ERICH6: variants seen among roughly 807,000 people sequenced by gnomAD.
ERICH6 encodes the protein glutamate rich 6, also known as glutamate-rich protein 6.
Under a neutral mutation model 71.0 loss-of-function variants are expected in ERICH6, and 71 were observed. That is an observed-to-expected ratio of 1.00 (90% CI 0.83 to 1.22). The LOEUF (loss-of-function observed/expected upper bound fraction) is 1.22. Among genes scored for constraint, ERICH6 ranks in the 50% most tolerant of loss-of-function variants. ERICH6 has a pLI of 0.00. For missense variants in ERICH6, 808 were observed against 797.2 expected, an observed-to-expected ratio of 1.01 and a Z score of -0.16; for synonymous variants, 262 against 278.4, an observed-to-expected ratio of 0.94 and a Z score of 0.59.
chr3:150,682,109 C>G, intron 7 of ERICH6, 109 bp downstream of exon 7: 1 of 949,752 alleles, frequency 1.1e-6, no homozygotes, highest in Non-Finnish European at 1.6e-6. Context: ...GCCATCAAGC[C>G]CGGCCTAACT....
At chr3:150,670,808 A>T (rs143169905) in intron 11 of ERICH6, among the ~76,000 whole-genome samples, 171 of 152,340 alleles carry the variant, frequency 1.1e-3, no homozygotes, top group African/African-American at 3.8e-3. Context: ...ATAATTCACT[A>T]ACTCTTAATA....
chr3:150,701,717 C>T (rs1393934544), intron 2 of ERICH6, among the ~76,000 whole-genome samples: 1 of 152,016 alleles, frequency 6.6e-6, no homozygotes, highest in Non-Finnish European at 1.5e-5. Context: ...TGCCTGAAGG[C>T]TAATAGCAAT....
chr3:150,700,241 A>ATTTTTTTTTTTTTTTTT (rs34624356), intron 2 of ERICH6, among the ~76,000 whole-genome samples: 6 of 110,968 alleles, frequency 5.4e-5, no homozygotes, highest in East Asian at 2.6e-4. Flanking sequence ...TGCCCGGCTA[A>ATTTTTTTTTTTTTTTTT]TTTTTTTTTT....
rs141360279 is a variant in ERICH6 at position 150,698,335 on chromosome 3, A to C, written c.553+456T>G. Among the ~76,000 whole-genome samples, 39 of 152,332 alleles carry C rather than the reference A, an allele frequency of 2.6e-4. No individual in the cohort carries two copies. In the East Asian group the frequency reaches 7.3e-3, roughly 29 times the overall value. On this transcript the variant is annotated intron_variant, in intron 3 of 13. Coordinates refer to ENST00000295910, the MANE Select transcript of ERICH6 (RefSeq NM_152394.5). The stretch of plus-strand genomic sequence containing the variant: ...GGCAAATGGTAGGTGCTCAGTAAGC[A>C]GTCGATGAATAAATGACATAAAATA...
At chr3:150,697,968 C>G (rs1315366052) in intron 3 of ERICH6, among the ~76,000 whole-genome samples, 1 of 152,254 alleles carries the variant, frequency 6.6e-6, no homozygotes. Flanking sequence ...CCTGGAACAC[C>G]TTTCCTGTGA....
chr3:150,690,763 T>C (rs1259071546), intron 3 of ERICH6, among the ~76,000 whole-genome samples: 1 of 152,190 alleles, frequency 6.6e-6, no homozygotes, highest in African/African-American at 2.4e-5. Flanking sequence ...CCAAATATGA[T>C]AAGATGTCAA....
intron 2 of ERICH6, among the ~76,000 whole-genome samples, chr3:150,700,642 G>A (rs1263657339): frequency 1.3e-5 from 2 of 152,014 alleles, no homozygotes; most frequent in East Asian, 1.9e-4. Flanking sequence ...GGAGTGCAGT[G>A]GTATGATCTC....
intron 3 of ERICH6, among the ~76,000 whole-genome samples, chr3:150,688,879 T>G (rs1055423772): frequency 1.3e-5 from 2 of 152,218 alleles, no homozygotes; most frequent in Non-Finnish European, 2.9e-5. Context: ...CTGACCACCT[T>G]GGGCACATGT....
intron 13 of ERICH6, among the ~76,000 whole-genome samples, chr3:150,660,795 G>A (rs1188040536): frequency 6.6e-6 from 1 of 152,164 alleles, no homozygotes; most frequent in Non-Finnish European, 1.5e-5. Flanking sequence ...AGCCTAGAAG[G>A]GGCATTTAGC....
At chr3:150,661,672 A>G (rs1217688203) in intron 13 of ERICH6, among the ~76,000 whole-genome samples, 1 of 152,222 alleles carries the variant, frequency 6.6e-6, no homozygotes, top group African/African-American at 2.4e-5. Flanking sequence ...TGCATATTAT[A>G]AAAGATATGT....
intron 3 of ERICH6, 32 bp downstream of exon 3, chr3:150,698,759 C>T: frequency 6.4e-7 from 1 of 1,567,026 alleles, no homozygotes; most frequent in Non-Finnish European, 8.8e-7. Flanking sequence ...AATCCCTCCT[C>T]CCAGGAAAAG....
chr3:150,702,029 C>A, intron 2 of ERICH6, 92 bp downstream of exon 2: 1 of 869,188 alleles, frequency 1.2e-6, no homozygotes, highest in Non-Finnish European at 1.8e-6. Context: ...CACAAATGCC[C>A]TGGATTATTT....
intron 13 of ERICH6, among the ~76,000 whole-genome samples, chr3:150,664,387 G>A (rs1336575716): frequency 1.3e-5 from 2 of 152,026 alleles, no homozygotes; most frequent in Admixed American, 6.6e-5. Context: ...GGTGGCTCAC[G>A]CCTATAATCT....
At chr3:150,663,054 G>T (rs1230209591) in intron 13 of ERICH6, among the ~76,000 whole-genome samples, 2 of 152,142 alleles carry the variant, frequency 1.3e-5, no homozygotes. Flanking sequence ...TCTTTATAGG[G>T]CCTTGGCTTT....
intron 4 of ERICH6, 127 bp downstream of exon 4, chr3:150,686,168 GCCA>G: frequency 7.9e-7 from 1 of 1,258,940 alleles, no homozygotes; most frequent in Admixed American, 1.8e-5. Flanking sequence ...TGACGTTTTC[GCCA>G]CCTTCTCACA....
rs1576557479 is a variant in ERICH6, at chr3:150,686,280, T to G, written c.610+18A>C. The G allele has an allele frequency of 6.2e-7, 1 of 1,613,780 alleles. No individual in the cohort carries two copies. The highest frequency in any genetic ancestry group is 2.2e-5 in the East Asian group (1 of 44,888). ...TACCTTTGCCAGCAAAAGGAGATGATGCCAAACATGTATTTACCTCTTAAC... is the reference window on the plus strand; with the variant it reads ...TACCTTTGCCAGCAAAAGGAGATGAGGCCAAACATGTATTTACCTCTTAAC... On this transcript the variant is annotated intron_variant, in intron 4 of 13. Coordinates refer to ENST00000295910, the MANE Select transcript of ERICH6 (RefSeq NM_152394.5).
chr3:150,666,281 C>T (rs573779496), intron 13 of ERICH6, among the ~76,000 whole-genome samples: 57 of 152,228 alleles, frequency 3.7e-4, no homozygotes, highest in Middle Eastern at 3.4e-3. Flanking sequence ...CCAGTAGGAA[C>T]GGCAGCACTG....
intron 3 of ERICH6, among the ~76,000 whole-genome samples, chr3:150,689,021 G>A (rs1351007787): frequency 6.6e-6 from 1 of 152,092 alleles, no homozygotes; most frequent in African/African-American, 2.4e-5. Context: ...AATTCTGAGT[G>A]GAGGTACCCC....
chr3:150,667,235 A>G (rs961864995), intron 12 of ERICH6, among the ~76,000 whole-genome samples: 4 of 152,194 alleles, frequency 2.6e-5, no homozygotes, highest in Non-Finnish European at 4.4e-5. Context: ...ATAAACTAAA[A>G]TGGGTCCAAA....
Sources: gnomAD v4.1 joint callset for allele counts (sites outside exome capture counted in the v4.1 genomes callset) on GRCh38, gnomAD v4.1.1 for gene constraint, MANE v1.5 for transcripts, NCBI Gene and HGNC (gene_info 2026-07-23, HGNC 2026-07-21) for gene names.